Variants in THEMIS observed in about 807,000 individuals in gnomAD.
THEMIS encodes the protein protein THEMIS.
In THEMIS, 37 loss-of-function variants were observed where a neutral mutation model predicts 52.6. That is an observed-to-expected ratio of 0.70 (90% CI 0.54 to 0.93). The LOEUF (loss-of-function observed/expected upper bound fraction) is 0.93, where lower values mean the gene tolerates loss of function less well. Ranked by LOEUF, THEMIS falls within the 40% of genes least tolerant of loss-of-function variation. The pLI is 0.00. For missense variants in THEMIS, 808 were observed against 763.1 expected (o/e 1.06, Z -0.69); for synonymous variants, 292 against 272.7 (o/e 1.07, Z -0.70).
downstream of THEMIS, among the ~76,000 whole-genome samples, chr6:127,703,778 C>G (rs1773762571): frequency 6.6e-6 from 1 of 152,174 alleles, no homozygotes; most frequent in Non-Finnish European, 1.5e-5. Context: ...GCTAGGATAT[C>G]TCCTCAGACA....
chr6:127,882,997 A>G (rs1369494955), intron 1 of THEMIS, among the ~76,000 whole-genome samples: 2 of 152,012 alleles, frequency 1.3e-5, no homozygotes, highest in African/African-American at 4.8e-5. Context: ...TTCACTAAGC[A>G]TCATTATTCA....
At chr6:127,901,332 A>C (rs529716672), upstream of THEMIS, among the ~76,000 whole-genome samples, 110 of 152,256 alleles carry the variant, frequency 7.2e-4, 1 homozygote, top group African/African-American at 2.5e-3. Flanking sequence ...CCACCAACAA[A>C]GAACAGGAAT....
intron 3 of THEMIS, 30 bp downstream of exon 3, chr6:127,829,446 C>T: frequency 2.6e-6 from 4 of 1,541,700 alleles, no homozygotes; most frequent in Non-Finnish European, 3.5e-6. Flanking sequence ...TGCTCATGCT[C>T]ATAGAACATC....
At chr6:127,797,727 ATCTGTAAAACAATCTTCTCTCTTTATTT>A (rs535914724) in intron 4 of THEMIS, among the ~76,000 whole-genome samples, 19 of 152,354 alleles carry the variant, frequency 1.2e-4, no homozygotes, top group African/African-American at 4.3e-4. Flanking sequence ...GTTAACAACC[ATCTGTAAAACAATCTTCTCTCTTTATTT>A]TGCTAACTTC....
intron 4 of THEMIS, among the ~76,000 whole-genome samples, chr6:127,728,283 A>AT (rs1272190845): frequency 2.0e-5 from 3 of 151,946 alleles, no homozygotes; most frequent in South Asian, 4.1e-4. Flanking sequence ...TCTAGGTCTT[A>AT]TTTTTTGGGG....
chr6:127,851,122 A>C (rs931951895), intron 2 of THEMIS, among the ~76,000 whole-genome samples: 1 of 151,398 alleles, frequency 6.6e-6, no homozygotes, highest in Non-Finnish European at 1.5e-5. Flanking sequence ...AAAAGTATAA[A>C]GAAAAGAACA....
chr6:127,901,110 G>C (rs892696545), upstream of THEMIS: 1 of 588,612 alleles, frequency 1.7e-6, no homozygotes, highest in Non-Finnish European at 3.0e-6. Flanking sequence ...GAAGAGGGAG[G>C]GGGGAAGCAG....
intron 5 of THEMIS, among the ~76,000 whole-genome samples, chr6:127,710,429 G>A (rs1465920120): frequency 3.3e-5 from 5 of 151,946 alleles, no homozygotes; most frequent in African/African-American, 1.2e-4. Flanking sequence ...GTCTAAAAAT[G>A]TCTGTTTCCA....
intron 4 of THEMIS, among the ~76,000 whole-genome samples, chr6:127,791,484 G>C (rs1777154395): frequency 6.6e-6 from 1 of 152,196 alleles, no homozygotes; most frequent in Non-Finnish European, 1.5e-5. Flanking sequence ...GAGAAAGTAG[G>C]TGCTGATCGG....
At chr6:127,821,211 A>C (rs1003920582) in intron 3 of THEMIS, among the ~76,000 whole-genome samples, 3 of 151,844 alleles carry the variant, frequency 2.0e-5, no homozygotes, top group African/African-American at 7.2e-5. Flanking sequence ...TTTTTAAACA[A>C]GCATTTGTTA....
At position 127,736,807 on chromosome 6, in the gene THEMIS, C is replaced by T. The variant is rs533323080; in HGVS notation, c.1759-16984G>A. ...CCTTTTTGTAACAAGAAGGATTATC[C>T]CAGTTTTGAAAACTATGACATAAGT... On this transcript the variant is annotated intron_variant, in intron 4 of 5. Transcript: ENST00000368248. Among the ~76,000 whole-genome samples, 5 of 143,492 alleles carry T rather than the reference C, an allele frequency of 3.5e-5. No individual in the cohort carries two copies. In the East Asian group the frequency reaches 7.9e-4, roughly 23 times the overall value. The allele number at this position is 143,492 out of a possible 152,430, so 94.1% of individuals were successfully genotyped here. A position where few individuals can be genotyped will look rare whatever the true frequency, so the allele number is the denominator to read the frequency against.
chr6:127,854,905 G>A (rs899892423), intron 2 of THEMIS, 125 bp downstream of exon 2: 19 of 767,732 alleles, frequency 2.5e-5, no homozygotes, highest in African/African-American at 5.5e-5. Flanking sequence ...TAACAATTCC[G>A]GATTTTCCCC....
At chr6:127,834,743 CA>C (rs1778817963) in intron 2 of THEMIS, among the ~76,000 whole-genome samples, 1 of 152,014 alleles carries the variant, frequency 6.6e-6, no homozygotes, top group Middle Eastern at 3.2e-3. Context: ...ATGGGGAAAA[CA>C]AATAAACTTT....
intron 2 of THEMIS, among the ~76,000 whole-genome samples, chr6:127,833,925 G>C (rs1489705632): frequency 6.6e-6 from 1 of 152,060 alleles, no homozygotes; most frequent in Non-Finnish European, 1.5e-5. Context: ...GTTTAAGTTG[G>C]TATATTCTAT....
At chr6:127,834,208 G>A (rs2114674617) in intron 2 of THEMIS, among the ~76,000 whole-genome samples, 1 of 152,210 alleles carries the variant, frequency 6.6e-6, no homozygotes, top group South Asian at 2.1e-4. Flanking sequence ...TGGTGAGGAA[G>A]TTTCTTAAAA....
rs1009948847 is a variant in THEMIS, at chr6:127,813,192, C to T, written c.1449G>A (p.Glu483=). The change falls in exon 4 of 6, where the codon GAG becomes GAA. Residue 483 remains glutamate (E), a synonymous_variant. Transcript: ENST00000368248. ...TGAGTAGGTAAGAGTCTGTAATGTC[C>T]TCCTCCAACTGCAGTCCTGGTGTGG... ...LAATPGLQLE[E]DITDSYLLIS... 1 of 1,613,978 alleles carries T rather than the reference C, an allele frequency of 6.2e-7. No homozygotes were observed. Among genetic ancestry groups the T allele is most frequent in the South Asian group, 1.1e-5 (1 of 91,078 alleles).
intron 4 of THEMIS, among the ~76,000 whole-genome samples, chr6:127,749,061 T>C (rs906018140): frequency 6.6e-6 from 1 of 152,102 alleles, no homozygotes; most frequent in Non-Finnish European, 1.5e-5. Context: ...CAATTCTTCA[T>C]GAATGGCCTC....
chr6:127,805,689 T>C (rs1212289675), intron 4 of THEMIS, among the ~76,000 whole-genome samples: 1 of 152,068 alleles, frequency 6.6e-6, no homozygotes, highest in Non-Finnish European at 1.5e-5. Flanking sequence ...AAGCAAAGCA[T>C]AAATATATTT....
chr6:127,781,676 G>C (rs1445511325), intron 4 of THEMIS, among the ~76,000 whole-genome samples: 2 of 152,124 alleles, frequency 1.3e-5, no homozygotes, highest in Admixed American at 6.5e-5. Context: ...GCTGGAGTTT[G>C]CTGGAGGTCC....
Sources: gnomAD v4.1 joint callset for allele counts (sites outside exome capture counted in the v4.1 genomes callset) on GRCh38, gnomAD v4.1.1 for gene constraint, MANE v1.5 for transcripts, NCBI Gene and HGNC (gene_info 2026-07-23, HGNC 2026-07-21) for gene names.